The following WWC2 variants were observed in gnomAD, a reference collection of about 807,000 sequenced individuals.
WWC2 encodes protein WWC2.
A neutral mutation model predicts 138.5 loss-of-function variants in WWC2; 101 were observed. The observed-to-expected ratio is 0.73, with a 90% CI of 0.62 to 0.86. The LOEUF (loss-of-function observed/expected upper bound fraction) is 0.86. WWC2 is among the 40% of genes least tolerant of loss of function. The pLI, the probability that WWC2 is intolerant of heterozygous loss-of-function variation, is 0.00. For synonymous variants in WWC2, 558 were observed against 538.4 expected (o/e 1.04, Z -0.50); for missense variants, 1,420 against 1,419.4 (o/e 1.00, Z -0.01).
At chr4:183,273,326 C>T (rs371928094) in intron 16 of WWC2, among the ~76,000 whole-genome samples, 4 of 151,708 alleles carry the variant, frequency 2.6e-5, no homozygotes, top group Non-Finnish European at 5.9e-5. Context: ...TCTTTTGAGA[C>T]GGAGTTTTCT....
At chr4:183,160,602 G>T (rs924302307) in intron 1 of WWC2, among the ~76,000 whole-genome samples, 1 of 152,098 alleles carries the variant, frequency 6.6e-6, no homozygotes, top group Non-Finnish European at 1.5e-5. Flanking sequence ...ATTGAAGACC[G>T]TTTAAAAAAA....
chr4:183,219,546 A>T (rs188228596), intron 4 of WWC2, among the ~76,000 whole-genome samples: 1 of 152,232 alleles, frequency 6.6e-6, no homozygotes, highest in African/African-American at 2.4e-5. Context: ...TTAAATAAAA[A>T]TGCCTATTTA....
intron 1 of WWC2, among the ~76,000 whole-genome samples, chr4:183,183,100 G>A (rs1388500720): frequency 6.6e-6 from 1 of 152,168 alleles, no homozygotes; most frequent in Non-Finnish European, 1.5e-5. Flanking sequence ...TGATCCCTGT[G>A]GAGGTGGGAC....
chr4:183,235,467 A>G (rs1254935504), intron 4 of WWC2, among the ~76,000 whole-genome samples: 2 of 152,216 alleles, frequency 1.3e-5, no homozygotes, highest in South Asian at 2.1e-4. Flanking sequence ...TTCATGTTGC[A>G]TAACTGAAAC....
chr4:183,265,661 C>T, intron 12 of WWC2, 27 bp from the exon 13 acceptor site: 3 of 1,588,148 alleles, frequency 1.9e-6, no homozygotes, highest in Non-Finnish European at 2.6e-6. Context: ...CATTAATTAA[C>T]TGTTCATCTA....
chr4:183,248,918 A>G (rs571961737), intron 7 of WWC2, 58 bp downstream of exon 7: 1 of 1,430,614 alleles, frequency 7.0e-7, no homozygotes, highest in African/African-American at 1.4e-5. Context: ...CCTTAATTGC[A>G]ATATGGATGG....
At position 183,253,994 on chromosome 4, in the gene WWC2, C is replaced by T. The variant is rs376459643; in HGVS notation, c.1191C>T (p.Ala397=). ...GGGGAACACCAAGCAGAGCTCTGGC[C>T]GAGAGGTTTGTTTTCCTTCTGGAAA... ...SVRGTPSRAL[A]ERLRLEERRK... Residue 397 remains alanine, a synonymous_variant, in exon 9 of 23, where the codon GCC becomes GCT. Transcript: ENST00000403733. 4.7e-5 allele frequency: 76 copies of T among 1,611,910 alleles called. No individual in the cohort carries two copies. The East Asian group carries it at 1.5e-3, about 31-fold the overall frequency.
chr4:183,130,301 C>G (rs1395267834), intron 1 of WWC2, among the ~76,000 whole-genome samples: 1 of 152,124 alleles, frequency 6.6e-6, no homozygotes, highest in Non-Finnish European at 1.5e-5. Flanking sequence ...ATCTACCTGC[C>G]TCGGCCTCCC....
At chr4:183,306,376 T>C (rs992491592) in intron 21 of WWC2, among the ~76,000 whole-genome samples, 2 of 152,200 alleles carry the variant, frequency 1.3e-5, no homozygotes, top group East Asian at 3.9e-4. Context: ...GTATTTTGTA[T>C]GTAGGAAGCC....
At chr4:183,198,816 G>T (rs1469105788) in intron 2 of WWC2, among the ~76,000 whole-genome samples, 7 of 52,148 alleles carry the variant, frequency 1.3e-4, no homozygotes, top group East Asian at 7.2e-4. Flanking sequence ...AAAAAAAAAA[G>T]GTTCCTTTTG....
intron 21 of WWC2, among the ~76,000 whole-genome samples, chr4:183,299,912 C>T (rs1738771579): frequency 6.6e-6 from 1 of 152,104 alleles, no homozygotes; most frequent in Non-Finnish European, 1.5e-5. Context: ...GGATCTGCCT[C>T]CCTTGTCAAG....
At chr4:183,314,938 G>A (rs536704523) in intron 22 of WWC2, among the ~76,000 whole-genome samples, 1,900 of 152,284 alleles carry the variant, frequency 0.012, 35 homozygotes, top group African/African-American at 0.044. Flanking sequence ...TCCCCCATCT[G>A]GACTGTTCTT....
chr4:183,139,729 A>G (rs925221454), intron 1 of WWC2, among the ~76,000 whole-genome samples: 5 of 152,316 alleles, frequency 3.3e-5, no homozygotes, highest in East Asian at 3.9e-4. Context: ...GTACACACAC[A>G]TATGCATTCA....
At chr4:183,155,731 A>G (rs1199852508) in intron 1 of WWC2, among the ~76,000 whole-genome samples, 1 of 152,216 alleles carries the variant, frequency 6.6e-6, no homozygotes, top group Non-Finnish European at 1.5e-5. Context: ...TGTCATATAC[A>G]GTAATGCTGA....
At chr4:183,293,019 G>C (rs762852763) in intron 21 of WWC2, among the ~76,000 whole-genome samples, 51 of 152,292 alleles carry the variant, frequency 3.3e-4, no homozygotes, top group African/African-American at 1.0e-3. Context: ...GCAGTGGCAC[G>C]ATCTCGGCTC....
At chr4:183,108,114 T>C (rs1280526437) in intron 1 of WWC2, among the ~76,000 whole-genome samples, 1 of 152,206 alleles carries the variant, frequency 6.6e-6, no homozygotes, top group African/African-American at 2.4e-5. Flanking sequence ...ATACATCAGC[T>C]TATTCAAAAT....
At chr4:183,125,278 T>C (rs1248035728) in intron 1 of WWC2, among the ~76,000 whole-genome samples, 1 of 152,206 alleles carries the variant, frequency 6.6e-6, no homozygotes, top group East Asian at 1.9e-4. Context: ...GGGTGCTGTG[T>C]TCAAATTATC....
In WWC2 at chr4:183,269,097, C is replaced by A. The variant is rs1194084934; in HGVS notation, c.2334C>A (p.Ala778=). 1 of 1,613,936 alleles carries A rather than the reference C, an allele frequency of 6.2e-7. No homozygotes were observed. Among genetic ancestry groups the A allele is most frequent in the South Asian group, 1.1e-5 (1 of 91,074 alleles). Residue 778 remains alanine, a synonymous_variant, in exon 15 of 23, where the codon GCC becomes GCA. Transcript: ENST00000403733. The stretch of plus-strand genomic sequence containing the variant: ...TCAGAGTCGCCATTTCCCAAACAGC[C>A]TTACAACAGAAGACACTGAGGGTAG... ...DVFRVAISQT[A]LQQKTLRVDL... is the part of the protein sequence containing the mutation.
intron 2 of WWC2, among the ~76,000 whole-genome samples, chr4:183,204,850 A>G (rs1373062805): frequency 2.0e-5 from 3 of 152,178 alleles, no homozygotes; most frequent in Admixed American, 6.5e-5. Context: ...TTTCATATAA[A>G]TGGAATCATA....
Sources: allele counts gnomAD v4.1 joint callset (sites outside exome capture counted in the v4.1 genomes callset), GRCh38; gene constraint gnomAD v4.1.1; transcripts MANE v1.5; gene names NCBI Gene and HGNC (gene_info 2026-07-23, HGNC 2026-07-21).